The following NSG2 variants were observed in gnomAD, a reference collection of about 807,000 sequenced individuals.
NSG2 encodes the protein neuronal vesicle trafficking associated 2, also known as neuronal vesicle trafficking-associated protein 2.
In NSG2, 4 loss-of-function variants were observed where a neutral mutation model predicts 16.9. The ratio of observed to expected loss-of-function variants is 0.24; its 90% CI spans 0.12 to 0.54. The LOEUF (loss-of-function observed/expected upper bound fraction) is 0.54, where lower values mean the gene tolerates loss of function less well. Ranked by LOEUF, NSG2 falls within the 20% of genes least tolerant of loss-of-function variation. The pLI is 0.95. For synonymous variants in NSG2, 98 were observed against 88.7 expected, an observed-to-expected ratio of 1.11 and a Z score of -0.59; for missense variants, 179 against 221.1, an observed-to-expected ratio of 0.81 and a Z score of 1.21.
At chr5:174,067,049 C>T (rs1581223010) in intron 3 of NSG2, among the ~76,000 whole-genome samples, 1 of 143,160 alleles carries the variant, frequency 7.0e-6, no homozygotes, top group East Asian at 2.0e-4. Context: ...ATAATTTGGG[C>T]AAATACTTAA....
intron 2 of NSG2, 22 bp from the exon 3 acceptor site, chr5:174,064,210 A>G: frequency 6.4e-7 from 1 of 1,571,102 alleles, no homozygotes; most frequent in East Asian, 2.3e-5. Context: ...ATGCATGCTA[A>G]CACACTGGTT....
At position 174,092,564 on chromosome 5, in the gene NSG2, G is replaced by A. The variant is rs138538372; in HGVS notation, c.214-11664G>A. On this transcript the variant is annotated intron_variant, in intron 3 of 4. Transcript: ENST00000303177. ...ACACAGAGTAATACCCAGTGGCTTC[G>A]TGCTGAGGCGATAGTCGAACCAAAT... is the stretch of plus-strand genomic sequence containing the variant. 3.6e-3 allele frequency among the ~76,000 whole-genome samples: 550 copies of A among 152,344 alleles called. 7 individuals carry two copies. Among genetic ancestry groups the A allele is most frequent in the African/African-American group, 0.013 (522 of 41,582 alleles).
chr5:174,066,827 A>G (rs1321385446), intron 3 of NSG2, among the ~76,000 whole-genome samples: 1 of 151,728 alleles, frequency 6.6e-6, no homozygotes, highest in Admixed American at 6.6e-5. Context: ...CGTCTCTACT[A>G]AAAATACAAA....
chr5:174,054,122 C>T (rs757260436), intron 2 of NSG2, among the ~76,000 whole-genome samples: 1 of 152,180 alleles, frequency 6.6e-6, no homozygotes, highest in East Asian at 1.9e-4. Flanking sequence ...CATGCGCCAG[C>T]GTGGAAAGCT....
chr5:174,057,885 G>A (rs1191850443), intron 2 of NSG2, among the ~76,000 whole-genome samples: 2 of 152,074 alleles, frequency 1.3e-5, no homozygotes, highest in African/African-American at 4.8e-5. Flanking sequence ...CTTTCCCCTG[G>A]GTTTGGAAAC....
At chr5:174,046,961 C>A in intron 2 of NSG2, 77 bp downstream of exon 2, 1 of 1,470,628 alleles carries the variant, frequency 6.8e-7, no homozygotes, top group Non-Finnish European at 9.4e-7. Context: ...AAAATTCCAC[C>A]CCCCAAATCC....
At chr5:174,096,396 G>A (rs1760794724) in intron 3 of NSG2, among the ~76,000 whole-genome samples, 1 of 152,124 alleles carries the variant, frequency 6.6e-6, no homozygotes, top group Non-Finnish European at 1.5e-5. Context: ...AGTGGGAACT[G>A]GCATTCTAGG....
At chr5:174,077,702 A>G (rs1454662919) in intron 3 of NSG2, among the ~76,000 whole-genome samples, 2 of 152,108 alleles carry the variant, frequency 1.3e-5, no homozygotes, top group Admixed American at 6.5e-5. Context: ...CACTGGGCAG[A>G]ATTGGTCATC....
intron 3 of NSG2, among the ~76,000 whole-genome samples, chr5:174,103,192 G>A (rs1760927776): frequency 1.3e-5 from 2 of 152,066 alleles, no homozygotes; most frequent in Admixed American, 1.3e-4. Context: ...GTTAGATGCT[G>A]TAGGTGAGAG....
intron 3 of NSG2, among the ~76,000 whole-genome samples, chr5:174,093,885 G>C (rs909119031): frequency 6.6e-6 from 1 of 152,200 alleles, no homozygotes; most frequent in African/African-American, 2.4e-5. Context: ...TTCCTGACAT[G>C]ATGAGGGTCC....
At chr5:174,046,920 G>C (rs544540220) in intron 2 of NSG2, 36 bp downstream of exon 2, 3 of 1,604,884 alleles carry the variant, frequency 1.9e-6, no homozygotes, top group Non-Finnish European at 2.6e-6. Flanking sequence ...CAGCCCCCAG[G>C]CTCCCCCCAT....
chr5:174,101,824 G>A (rs1009315994), intron 3 of NSG2, among the ~76,000 whole-genome samples: 4 of 152,164 alleles, frequency 2.6e-5, no homozygotes, highest in African/African-American at 9.7e-5. Flanking sequence ...GTGAGTCGTG[G>A]TCTTGGGTGG....
At chr5:174,074,700 C>T (rs1383235301) in intron 3 of NSG2, among the ~76,000 whole-genome samples, 1 of 152,064 alleles carries the variant, frequency 6.6e-6, no homozygotes, top group Non-Finnish European at 1.5e-5. Flanking sequence ...CTGCCACTGC[C>T]TTCCTACACT....
chr5:174,070,681 C>A (rs1045543965), intron 3 of NSG2, among the ~76,000 whole-genome samples: 2 of 152,218 alleles, frequency 1.3e-5, no homozygotes, highest in African/African-American at 2.4e-5. Flanking sequence ...CAGCTGTGCT[C>A]TTCCTGGAGT....
chr5:174,046,939 A>T (rs1759810118), intron 2 of NSG2, 55 bp downstream of exon 2: 2 of 1,582,738 alleles, frequency 1.3e-6, no homozygotes, highest in Non-Finnish European at 1.7e-6. Flanking sequence ...ATCTCAGGAA[A>T]TAAAGCAGCA....
chr5:174,107,923 A>G lies in NSG2; in HGVS notation c.*418A>G. On this transcript the variant is annotated 3_prime_UTR_variant, in exon 5 of 5. Transcript: ENST00000303177. This position sits in a 1 kb window ranked among gnomAD's most constrained non-coding sequence, Gnocchi z 4.5. ...AGCACAGACTCTGTGGGCTTCTTAG[A>G]TAAGAAAACGTAGCTTCAGTGGGGG... 1 of 368,022 alleles carries G rather than the reference A, an allele frequency of 2.7e-6. No homozygotes were observed. The allele number at this position is 368,022 out of a possible 1,614,324, so 22.8% of individuals were successfully genotyped here. A position where few individuals can be genotyped will look rare whatever the true frequency, so the allele number is the denominator to read the frequency against.
chr5:174,100,957 G>A (rs574817230), intron 3 of NSG2, among the ~76,000 whole-genome samples: 1 of 152,354 alleles, frequency 6.6e-6, no homozygotes, highest in East Asian at 1.9e-4. Flanking sequence ...CAAGGTTTGG[G>A]GTTGCACATG....
chr5:174,066,250 C>G (rs1449623461), intron 3 of NSG2: 5 of 456,166 alleles, frequency 1.1e-5, no homozygotes, highest in African/African-American at 4.0e-5. Context: ...CAAGACCCAG[C>G]TGCGTACAAG....
In NSG2 at chr5:174,072,709, T is replaced by G. The variant is rs900488055; in HGVS notation, c.213+8394T>G. ...CCCTTAATAAATGAATAAGGCTGGG[T>G]GTGGTGGCTCACACCTGTAATCCTA... is the stretch of plus-strand genomic sequence containing the variant. On this transcript the variant is annotated intron_variant, in intron 3 of 4. Coordinates refer to ENST00000303177, the MANE Select transcript of NSG2 (RefSeq NM_015980.5). This position sits in a 1 kb window ranked among gnomAD's most constrained non-coding sequence, Gnocchi z 4.0. 2.0e-5 allele frequency among the ~76,000 whole-genome samples: 3 copies of G among 152,124 alleles called. No homozygotes were observed. Among genetic ancestry groups the G allele is most frequent in the African/African-American group, 7.2e-5 (3 of 41,394 alleles).
Sources: gnomAD v4.1 joint callset for allele counts (sites outside exome capture counted in the v4.1 genomes callset) on GRCh38, gnomAD v4.1.1 for gene constraint, Gnocchi (gnomAD v3.1) non-coding constraint, MANE v1.5 for transcripts, NCBI Gene and HGNC (gene_info 2026-07-23, HGNC 2026-07-21) for gene names.